The following IPO4 variants were observed in gnomAD, a reference collection of about 807,000 sequenced individuals.
IPO4 encodes importin 4.
In IPO4, 91 loss-of-function variants were observed where a neutral mutation model predicts 133.5. That is an observed-to-expected ratio of 0.68 (90% CI 0.58 to 0.81). The LOEUF (loss-of-function observed/expected upper bound fraction) is 0.81, where lower values mean the gene tolerates loss of function less well. IPO4 is among the 30% of genes least tolerant of loss of function. The pLI is 0.00. For synonymous variants in IPO4, 607 were observed against 581.6 expected (o/e 1.04, Z -0.63); for missense variants, 1,279 against 1,386.2 (o/e 0.92, Z 1.23).
At position 24,182,337 on chromosome 14, in the gene IPO4, C is replaced by T. The variant is rs1165383537; in HGVS notation, c.2539G>A (p.Gly847Arg). 1.9e-6 allele frequency: 3 copies of T among 1,613,798 alleles called. No individual in the cohort carries two copies. The highest frequency in any genetic ancestry group is 2.2e-5 in the East Asian group (1 of 44,874). ...EAIPALAAAA[G>R]GDSFAPFFAG... is the part of the protein sequence containing the mutation. ...AAGAATGGGGCAAAGGAGTCTCCCCCAGCCGCGGCTGCCAGGGCAGGGATG... is the reference window on the plus strand; with the variant it reads ...AAGAATGGGGCAAAGGAGTCTCCCCTAGCCGCGGCTGCCAGGGCAGGGATG... The change falls in exon 25 of 30, where the codon GGG (glycine) becomes AGG (arginine). Residue 847 changes from glycine (G) to arginine (R), a missense_variant. Physicochemically the swap from Gly to Arg is moderately radical, Grantham distance 125. Around this residue, in one of 3 missense-constraint regions of IPO4, gnomAD observed 575 missense variants for 653.4 expected, o/e 0.88. Coordinates refer to ENST00000354464, the MANE Select transcript of IPO4 (RefSeq NM_024658.4).
rs1048554 is a variant in IPO4, at chr14:24,180,366, G to C, written c.*76C>G. 8 of 1,544,012 alleles carry C rather than the reference G, an allele frequency of 5.2e-6. No homozygotes were observed. In the Admixed American group the frequency reaches 5.9e-5, roughly 11 times the overall value. The stretch of plus-strand genomic sequence containing the variant: ...GAGTCTCAGAATCTTTGGTAAGGCA[G>C]AACTGAACTGGGCTGAGAGGTGGTC... On this transcript the variant is annotated 3_prime_UTR_variant, in exon 30 of 30. Transcript: ENST00000354464.
rs948390847 is a variant in IPO4, at chr14:24,187,616, A to C, written c.409-37T>G. On this transcript the variant is annotated intron_variant, in intron 5 of 29. Coordinates refer to ENST00000354464, the MANE Select transcript of IPO4 (RefSeq NM_024658.4). The stretch of plus-strand genomic sequence containing the variant: ...TAGAGGATGGGAGAGCAAGCTTACA[A>C]GGTCTATCCAGCCTCTCAGGCCCTC... 1.4e-5 allele frequency: 22 copies of C among 1,613,590 alleles called. No individual in the cohort carries two copies. In the African/African-American group the frequency reaches 2.7e-4, roughly 20 times the overall value.
At position 24,182,285 on chromosome 14, in the gene IPO4, C is replaced by G. The variant is rs778273518; in HGVS notation, c.2591G>C (p.Cys864Ser). The change falls in exon 25 of 30, where the codon TGC becomes TCC. Residue 864 changes from cysteine (C) to serine (S), a missense_variant. Physicochemically the swap from Cys to Ser is moderately radical, Grantham distance 112. Around this residue, in one of 3 missense-constraint regions of IPO4, gnomAD observed 575 missense variants for 653.4 expected, o/e 0.88. Coordinates refer to ENST00000354464, the MANE Select transcript of IPO4 (RefSeq NM_024658.4). ...CAGAAGATGGACACTCACTGTCTTG[C>G]ACACCAATAATGGCAGGAAACCGGC... ...FFAGFLPLLVCKTKQGCTVAE... is the reference protein window; with the variant it reads ...FFAGFLPLLVSKTKQGCTVAE... 18 of 1,614,022 alleles carry G rather than the reference C, an allele frequency of 1.1e-5. No individual in the cohort carries two copies. In the Admixed American group the frequency reaches 2.8e-4, roughly 25 times the overall value.
chr14:24,188,740 C>T lies in IPO4; in HGVS notation c.48G>A (p.Pro16=), dbSNP rs928839878. 28 of 1,549,968 alleles carry T rather than the reference C, an allele frequency of 1.8e-5. 1 individual carries two copies. The Admixed American group carries it at 2.7e-4, about 15-fold the overall frequency. ...LEQLLRELLL[P]DTERIRRATE... ...GTACCCGACGGATGCGCTCGGTGTCCGGTAGCAGCAGCTCCCGTAGGAGCT... is the reference window on the plus strand; with the variant it reads ...GTACCCGACGGATGCGCTCGGTGTCTGGTAGCAGCAGCTCCCGTAGGAGCT... Residue 16 remains proline (P), a synonymous_variant, in exon 1 of 30, where the codon CCG becomes CCA. Coordinates refer to ENST00000354464, the MANE Select transcript of IPO4 (RefSeq NM_024658.4).
chr14:24,184,321 G>T lies in IPO4; in HGVS notation c.1734C>A (p.Asp578Glu). The T allele has an allele frequency of 6.3e-7, 1 of 1,586,474 alleles. No homozygotes were observed. Among genetic ancestry groups the T allele is most frequent in the Non-Finnish European group, 8.6e-7 (1 of 1,166,530 alleles). ...ACGTGCAGCGCCGCAAGTCAGGGTC[G>T]TCTACCTGGTCGCAGAGGCCCAGAC... is the stretch of plus-strand genomic sequence containing the variant. The part of the protein sequence containing the change: ...QLGLGLCDQV[D>E]DPDLRRCTYS... The change falls in exon 17 of 30, where the codon GAC becomes GAA. Residue 578 changes from aspartate to glutamate, a missense_variant. Physicochemically the swap from Asp to Glu is conservative, Grantham distance 45 (BLOSUM62 2). This residue lies in a region of IPO4 where 575 missense variants were observed against 653.4 expected (regional missense o/e 0.88). Coordinates refer to ENST00000354464, the MANE Select transcript of IPO4 (RefSeq NM_024658.4).
Position 24,182,286 on chromosome 14 carries a change from A to G in IPO4, c.2590T>C (p.Cys864Arg), listed in dbSNP as rs201215254. 14 of 1,614,116 alleles carry G rather than the reference A, an allele frequency of 8.7e-6. No individual in the cohort carries two copies. The East Asian group carries it at 2.9e-4, about 33-fold the overall frequency. Residue 864 changes from cysteine (C) to arginine (R), a missense_variant, in exon 25 of 30, where the codon TGC becomes CGC. Physicochemically the swap from Cys to Arg is radical, Grantham distance 180. Coordinates refer to ENST00000354464, the MANE Select transcript of IPO4 (RefSeq NM_024658.4). ...FFAGFLPLLVCKTKQGCTVAE... is the reference protein window; with the variant it reads ...FFAGFLPLLVRKTKQGCTVAE... ...AGAAGATGGACACTCACTGTCTTGC[A>G]CACCAATAATGGCAGGAAACCGGCA...
chr14:24,181,072 ACT>A (rs1443707034), intron 28 of IPO4, among the ~76,000 whole-genome samples: 1 of 152,104 alleles, frequency 6.6e-6, no homozygotes, highest in African/African-American at 2.4e-5. Flanking sequence ...TGACACAAAC[ACT>A]CTGACATGAC....
At position 24,186,391 on chromosome 14, in the gene IPO4, C is replaced by A. The variant is rs2039223441; in HGVS notation, c.901G>T (p.Ala301Ser). Residue 301 changes from alanine to serine, a missense_variant, in exon 10 of 30, where the codon GCT becomes TCT. Ala to Ser is a moderately conservative substitution (Grantham distance 99). Around this residue, in one of 3 missense-constraint regions of IPO4, gnomAD observed 695 missense variants for 704.1 expected, o/e 0.99. Transcript: ENST00000354464. ...TCCAACTGGCCTGGTGGGGGCTCAG[C>A]AGCCACAATGGGGAAAAGGGTGTGC... ...LLHTLFPIVA[A>S]EPPPGQLDPE... 6.2e-7 allele frequency: 1 copy of A among 1,612,458 alleles called. No homozygotes were observed. Among genetic ancestry groups the A allele is most frequent in the Non-Finnish European group, 8.5e-7 (1 of 1,179,070 alleles).
Position 24,188,396 on chromosome 14 carries a change from G to C in IPO4, c.184C>G (p.Arg62Gly). The C allele has an allele frequency of 6.2e-7, 1 of 1,612,398 alleles. No homozygotes were observed. The highest frequency in any genetic ancestry group is 8.5e-7 in the Non-Finnish European group (1 of 1,179,912). Residue 62 changes from arginine to glycine, a missense_variant, in exon 3 of 30, where the codon CGC becomes GGC. Physicochemically the swap from Arg to Gly is moderately radical, Grantham distance 125. Coordinates refer to ENST00000354464, the MANE Select transcript of IPO4 (RefSeq NM_024658.4). ...QIRQFAAVLT[R>G]RRLNTRWRRL... The stretch of plus-strand genomic sequence containing the variant: ...CGCCAGCGGGTGTTCAGTCGTCTGC[G>C]GGTCAGCACGGCCGCAAACTGGCGG...
At chr14:24,186,261 C>T (rs774355895) in intron 10 of IPO4, 26 bp downstream of exon 10, 4 of 1,602,576 alleles carry the variant, frequency 2.5e-6, no homozygotes, top group Non-Finnish European at 3.4e-6. Flanking sequence ...TAACACCTTC[C>T]CCCTCTGTCC....
At chr14:24,181,443 T>C in intron 28 of IPO4, 70 bp downstream of exon 28, 1 of 1,321,156 alleles carries the variant, frequency 7.6e-7, no homozygotes, top group Non-Finnish European at 1.1e-6. Context: ...CCGAGCCTCA[T>C]CAGCAGACAG....
chr14:24,181,891 A>G, intron 26 of IPO4, 48 bp from the exon 27 acceptor site: 4 of 1,604,524 alleles, frequency 2.5e-6, no homozygotes, highest in Non-Finnish European at 2.6e-6. Context: ...GACCTTGCCC[A>G]CCTGCAAGCC....
chr14:24,184,823 C>T (rs1452009511), intron 15 of IPO4, 44 bp downstream of exon 15: 1 of 1,606,748 alleles, frequency 6.2e-7, no homozygotes, highest in South Asian at 1.1e-5. Context: ...GCCACAGGGC[C>T]TTTGGGTGAA....
chr14:24,185,169 A>G lies in IPO4; in HGVS notation c.1408+14T>C. On this transcript the variant is annotated intron_variant, in intron 14 of 29. Transcript: ENST00000354464. ...CTCATCCCCCTTCCCCAAGCTCCCC[A>G]CTGCCATCACTACCTAGGTTCTCCA... 1 of 1,613,680 alleles carries G rather than the reference A, an allele frequency of 6.2e-7. No individual in the cohort carries two copies.
intron 17 of IPO4, 38 bp downstream of exon 17, chr14:24,184,260 A>G: frequency 6.4e-7 from 1 of 1,571,650 alleles, no homozygotes; most frequent in Non-Finnish European, 8.6e-7. Context: ...ACAGGAGGGG[A>G]GGGGACAAGG....
rs142411884 is a variant in IPO4, at chr14:24,187,241, C to T, written c.589-91G>A. ...TCACAGCCTGAATTGCGAGGAGGAG[C>T]CCAGGCATAACAGCCAGGCCCACCT... On this transcript the variant is annotated intron_variant, in intron 6 of 29. Coordinates refer to ENST00000354464, the MANE Select transcript of IPO4 (RefSeq NM_024658.4). 2,178 of 1,507,874 alleles carry T rather than the reference C, an allele frequency of 1.4e-3. 16 individuals carry two copies. The African/African-American group carries it at 0.018, about 13-fold the overall frequency. 93.4% of individuals were successfully genotyped at this position (1,507,874 alleles called of 1,614,324 possible).
In IPO4 at chr14:24,184,008, TC is replaced by T; in HGVS notation, c.1858del (p.Glu620ArgfsTer66). On this transcript the variant is annotated frameshift_variant, in exon 18 of 30. Coordinates refer to ENST00000354464, the MANE Select transcript of IPO4 (RefSeq NM_024658.4). LOFTEE classifies it high-confidence loss of function. ...CCACCCTTTGCTCACCACAATGCCC[TC>T]GGTGGAACGCAGTGACAGCAGCATG... Reference protein sequence around the residue: ...TLMLLSLRSTEGIVPQYDGSS... With the variant: ...TLMLLSLRSTXGIVPQYDGSS... The T allele has an allele frequency of 8.3e-7, 1 of 1,202,354 alleles. No individual in the cohort carries two copies. Among genetic ancestry groups the T allele is most frequent in the Non-Finnish European group, 1.1e-6 (1 of 912,328 alleles). 74.5% of individuals were successfully genotyped at this position (1,202,354 alleles called of 1,614,324 possible). A position where few individuals can be genotyped will look rare whatever the true frequency, so the allele number is the denominator to read the frequency against.
At chr14:24,186,226 G>A (rs1286132022) in intron 10 of IPO4, 44 bp from the exon 11 acceptor site, 4 of 1,610,248 alleles carry the variant, frequency 2.5e-6, no homozygotes, top group Non-Finnish European at 3.4e-6. Context: ...CTCCATCTCT[G>A]CCTCCCCAAC....
chr14:24,188,505 C>G, intron 2 of IPO4, 47 bp downstream of exon 2: 2 of 1,607,298 alleles, frequency 1.2e-6, no homozygotes, highest in Non-Finnish European at 1.7e-6. Context: ...GGGGCTTGAC[C>G]GGTGGCGTAC....
Sources: gnomAD v4.1 joint callset for allele counts (sites outside exome capture counted in the v4.1 genomes callset) on GRCh38, gnomAD v4.1.1 for gene constraint, gnomAD v4.1.1 regional missense constraint, MANE v1.5 for transcripts, NCBI Gene and HGNC (gene_info 2026-07-23, HGNC 2026-07-21) for gene names.